Variants in PHF24 observed in about 807,000 individuals in gnomAD.
PHF24 encodes Galpha inhibitory interacting protein.
In PHF24, 25 loss-of-function variants were observed where a neutral mutation model predicts 42.6. That is an observed-to-expected ratio of 0.59 (90% CI 0.43 to 0.82). The LOEUF is 0.82. Among genes scored for constraint, PHF24 ranks in the 40% least tolerant of loss-of-function variants. The probability of loss-of-function intolerance (pLI) is 0.00; values close to 1 mark genes in which losing one functional copy is unlikely to be tolerated. For missense variants in PHF24, 470 were observed against 538.1 expected, an observed-to-expected ratio of 0.87 and a Z score of 1.25; for synonymous variants, 185 against 204.8, an observed-to-expected ratio of 0.90 and a Z score of 0.83.
the PHF24 span, among the ~76,000 whole-genome samples, chr9:34,846,443 GTTGT>G: frequency 1.4e-4 from 21 of 151,910 alleles, no homozygotes; most frequent in African/African-American, 4.8e-4. Flanking sequence ...TTTTGATGGG[GTTGT>G]TTGTTTTTTT....
At chr9:34,865,545 C>G in the PHF24 span, among the ~76,000 whole-genome samples, 1 of 151,590 alleles carries the variant, frequency 6.6e-6, no homozygotes, top group Admixed American at 6.6e-5. Flanking sequence ...GCCTGAGTGA[C>G]AAAGCAAGAC....
the PHF24 span, among the ~76,000 whole-genome samples, chr9:34,679,017 C>T: frequency 6.6e-6 from 1 of 152,226 alleles, no homozygotes; most frequent in Non-Finnish European, 1.5e-5. Flanking sequence ...TGCATAAAAG[C>T]CCTACAGGCC....
chr9:34,770,182 T>A, the PHF24 span, among the ~76,000 whole-genome samples: 1 of 152,170 alleles, frequency 6.6e-6, no homozygotes, highest in Non-Finnish European at 1.5e-5. Flanking sequence ...CTGATTTGCC[T>A]TATATGTAAA....
the PHF24 span, among the ~76,000 whole-genome samples, chr9:34,912,266 T>A: frequency 1.3e-5 from 2 of 152,048 alleles, no homozygotes; most frequent in Admixed American, 6.5e-5. Context: ...TCCTGTTACT[T>A]TTCTCTCTCT....
At chr9:34,925,992 C>CG in the PHF24 span, among the ~76,000 whole-genome samples, 1 of 152,142 alleles carries the variant, frequency 6.6e-6, no homozygotes, top group Non-Finnish European at 1.5e-5. Flanking sequence ...ATGGGGTGTA[C>CG]TGGCCTTGGT....
At chr9:34,890,631 G>C in the PHF24 span, among the ~76,000 whole-genome samples, 1 of 152,166 alleles carries the variant, frequency 6.6e-6, no homozygotes, top group Non-Finnish European at 1.5e-5. Flanking sequence ...GAAGTTTCTG[G>C]AGTAATGTTT....
At chr9:34,977,515 A>G in intron 6 of PHF24, 31 bp from the exon 7 acceptor site, 1 of 1,577,612 alleles carries the variant, frequency 6.3e-7, no homozygotes, top group South Asian at 1.2e-5. Context: ...TCACTATCCC[A>G]CTCCTAACCA....
At chr9:34,809,619 G>A in the PHF24 span, among the ~76,000 whole-genome samples, 2 of 152,248 alleles carry the variant, frequency 1.3e-5, no homozygotes, top group Non-Finnish European at 2.9e-5. This position sits in a 1 kb window ranked among gnomAD's most constrained non-coding sequence, Gnocchi z 4.1. Flanking sequence ...TGAGCCTGGA[G>A]GCCTAGGGTG....
chr9:34,731,132 T>C, the PHF24 span, among the ~76,000 whole-genome samples: 5 of 152,226 alleles, frequency 3.3e-5, no homozygotes, highest in African/African-American at 1.2e-4. Flanking sequence ...AAAAAATGTT[T>C]TATTTTTATT....
At chr9:34,894,390 T>A in the PHF24 span, 1 of 398,518 alleles carries the variant, frequency 2.5e-6, no homozygotes, top group East Asian at 3.6e-5. Context: ...AGCTGAGAAA[T>A]GATCACAGAC....
the PHF24 span, chr9:34,922,038 A>G: frequency 2.6e-6 from 2 of 766,838 alleles, no homozygotes; most frequent in African/African-American, 3.5e-5. Flanking sequence ...TATTAAACAT[A>G]AAAACCACGT....
chr9:34,800,237 T>G, the PHF24 span, among the ~76,000 whole-genome samples: 1 of 152,068 alleles, frequency 6.6e-6, no homozygotes, highest in African/African-American at 2.4e-5. Flanking sequence ...CACAAGATGG[T>G]GTGAGGTAAT....
the PHF24 span, among the ~76,000 whole-genome samples, chr9:34,721,688 G>A: frequency 6.6e-6 from 1 of 152,248 alleles, no homozygotes; most frequent in South Asian, 2.1e-4. Flanking sequence ...CAGGATTACA[G>A]GTGTGAGCCA....
the PHF24 span, among the ~76,000 whole-genome samples, chr9:34,878,735 G>A: frequency 6.6e-6 from 1 of 152,230 alleles, no homozygotes; most frequent in Non-Finnish European, 1.5e-5. Flanking sequence ...AATGGGTGGA[G>A]CCCACCACAG....
At chr9:34,683,751 T>A in the PHF24 span, among the ~76,000 whole-genome samples, 8 of 152,180 alleles carry the variant, frequency 5.3e-5, no homozygotes, top group Admixed American at 2.0e-4. Flanking sequence ...TCCTGAAATA[T>A]GGTCTAGAAG....
the PHF24 span, among the ~76,000 whole-genome samples, chr9:34,711,978 G>A: frequency 1.3e-5 from 2 of 151,784 alleles, no homozygotes; most frequent in Non-Finnish European, 2.9e-5. Flanking sequence ...TCTTTCTCCC[G>A]TTAGCTTTTC....
chr9:34,765,005 A>T, the PHF24 span, among the ~76,000 whole-genome samples: 6 of 152,062 alleles, frequency 3.9e-5, no homozygotes, highest in African/African-American at 1.5e-4. Flanking sequence ...TGTAGTTGAG[A>T]GGTTTTAAGT....
At chr9:34,724,332 T>A in the PHF24 span, 10 of 1,551,284 alleles carry the variant, frequency 6.4e-6, no homozygotes, top group East Asian at 2.4e-4. Context: ...TGCACTGCCT[T>A]CAAGTCATTG....
chr9:34,679,284 T>C, the PHF24 span, among the ~76,000 whole-genome samples: 1 of 152,246 alleles, frequency 6.6e-6, no homozygotes, highest in African/African-American at 2.4e-5. Context: ...GTTGCTCACA[T>C]TTCCAGCATG....
Sources: gnomAD v4.1 joint callset for allele counts (sites outside exome capture counted in the v4.1 genomes callset) on GRCh38, gnomAD v4.1.1 for gene constraint, Gnocchi (gnomAD v3.1) non-coding constraint, MANE v1.5 for transcripts, NCBI Gene and HGNC (gene_info 2026-07-23, HGNC 2026-07-21) for gene names.